Variants in VPS13B observed in about 807,000 individuals in gnomAD.
VPS13B encodes the protein vacuolar protein sorting 13 homolog B.
Under a neutral mutation model 426.4 loss-of-function variants are expected in VPS13B, and 285 were observed. That is an observed-to-expected ratio of 0.67 (90% CI 0.61 to 0.74). The LOEUF (loss-of-function observed/expected upper bound fraction) is 0.74, where lower values mean the gene tolerates loss of function less well. Ranked by LOEUF, VPS13B falls within the 30% of genes least tolerant of loss-of-function variation. The pLI is 0.00. For missense variants in VPS13B, 4,537 were observed against 4,782.6 expected (o/e 0.95, Z 1.51); for synonymous variants, 1,676 against 1,676.4 (o/e 1.00, Z 0.01).
chr8:99,056,718 G>A lies in VPS13B; in HGVS notation c.291+18152G>A, dbSNP rs377444763. Among the ~76,000 whole-genome samples, 11 of 152,254 alleles carry A rather than the reference G, an allele frequency of 7.2e-5. No homozygotes were observed. In the South Asian group the frequency reaches 2.3e-3, roughly 32 times the overall value. On this transcript the variant is annotated intron_variant, in intron 3 of 61. Transcript: ENST00000357162. ...TTCCTCCATCCAGTGGAGGTGGCAG[G>A]GGGTGAAATGGACTCTGTGAGGGTC... is the stretch of plus-strand genomic sequence containing the variant.
intron 3 of VPS13B, among the ~76,000 whole-genome samples, chr8:99,052,922 T>C (rs557353879): frequency 6.6e-6 from 1 of 152,150 alleles, no homozygotes; most frequent in African/African-American, 2.4e-5. Context: ...TCTTCTCTCT[T>C]TTCTTCTTTA....
intron 39 of VPS13B, among the ~76,000 whole-genome samples, chr8:99,739,900 T>A (rs1809605048): frequency 6.6e-6 from 1 of 152,068 alleles, no homozygotes; most frequent in African/African-American, 2.4e-5. Flanking sequence ...CTGGAAACTC[T>A]AAAAATCGGA....
chr8:99,769,279 G>A (rs983686771), intron 40 of VPS13B, among the ~76,000 whole-genome samples: 4 of 152,102 alleles, frequency 2.6e-5, no homozygotes, highest in Non-Finnish European at 5.9e-5. Context: ...AATTAGAAGA[G>A]CTGGTTTAAA....
chr8:99,385,459 G>A (rs1253513713), intron 20 of VPS13B, among the ~76,000 whole-genome samples: 1 of 152,142 alleles, frequency 6.6e-6, no homozygotes, highest in Non-Finnish European at 1.5e-5. Flanking sequence ...GTACTAAGGA[G>A]CACCTTTTAA....
chr8:99,722,508 CTTTT>C (rs796198914), intron 39 of VPS13B, among the ~76,000 whole-genome samples: 2 of 138,950 alleles, frequency 1.4e-5, no homozygotes, highest in Non-Finnish European at 3.1e-5. Flanking sequence ...TATGTAATTC[CTTTT>C]TTTTTTTTTT....
At chr8:99,065,675 A>G (rs1844452761) in intron 3 of VPS13B, among the ~76,000 whole-genome samples, 1 of 152,226 alleles carries the variant, frequency 6.6e-6, no homozygotes, top group South Asian at 2.1e-4. Context: ...CAAGAGAAAG[A>G]AAGGAAGTTG....
intron 30 of VPS13B, among the ~76,000 whole-genome samples, chr8:99,527,563 T>G (rs1213795190): frequency 6.6e-6 from 1 of 152,140 alleles, no homozygotes; most frequent in Non-Finnish European, 1.5e-5. Flanking sequence ...TATCCCTGAT[T>G]TATACCATAG....
rs748752042 is a variant in VPS13B, at chr8:99,121,203, A to G, written c.964A>G (p.Met322Val). ...TGSEDETRID[M>V]QYPAQHKGQE... ...TTCTGAAGATGAAACAAGAATAGAT[A>G]TGCAATATCCTGCTCAGCATAAAGG... Residue 322 changes from methionine (M) to valine (V), a missense_variant, in exon 8 of 62, where the codon ATG becomes GTG. By Grantham distance (21) the Met-to-Val change is conservative. Coordinates refer to ENST00000357162, the MANE Select transcript of VPS13B (RefSeq NM_152564.5). 2 of 1,613,796 alleles carry G rather than the reference A, an allele frequency of 1.2e-6. No homozygotes were observed. The highest frequency in any genetic ancestry group is 1.3e-5 in the African/African-American group (1 of 74,940).
chr8:99,832,347 T>TTTTTTTTTTTTTTTTTTTTTTTTTTTTTG, intron 51 of VPS13B, 22 bp from the exon 52 acceptor site: 1 of 1,445,454 alleles, frequency 6.9e-7, no homozygotes. Context: ...CTGCATTTTT[T>TTTTTTTTTTTTTTTTTTTTTTTTTTTTTG]TTTTTTTTTT....
intron 3 of VPS13B, among the ~76,000 whole-genome samples, chr8:99,056,397 T>G (rs1843866044): frequency 6.6e-6 from 1 of 152,178 alleles, no homozygotes; most frequent in African/African-American, 2.4e-5. Flanking sequence ...TTTGCCAGAT[T>G]CGTTTGTTAG....
At chr8:99,351,739 CAT>C (rs1451600102) in intron 19 of VPS13B, among the ~76,000 whole-genome samples, 7 of 152,022 alleles carry the variant, frequency 4.6e-5, no homozygotes, top group African/African-American at 1.7e-4. Context: ...TACATGATAT[CAT>C]GTGTACTTGT....
At chr8:99,696,774 GT>G in intron 35 of VPS13B, 1 of 1,407,854 alleles carries the variant, frequency 7.1e-7, no homozygotes, top group Non-Finnish European at 1.0e-6. Context: ...GAAATCATGC[GT>G]TTTTCCAAAT....
In VPS13B at chr8:99,699,576, C is replaced by A. The variant is rs772140840; in HGVS notation, c.6098C>A (p.Thr2033Asn). ...CCTTTGAAAGCAAACCTGAGTTTCA[C>A]CAAACTGGATCAGATAAACCTTTTT... ...SKPLKANLSF[T>N]KLDQINLFLK... Residue 2033 changes from threonine (T) to asparagine (N), a missense_variant, in exon 36 of 62, where the codon ACC (threonine) becomes AAC (asparagine). Physicochemically the swap from Thr to Asn is moderately conservative, Grantham distance 65 (BLOSUM62 0). Transcript: ENST00000357162. The A allele has an allele frequency of 6.2e-7, 1 of 1,614,010 alleles. No homozygotes were observed. The highest frequency in any genetic ancestry group is 8.5e-7 in the Non-Finnish European group (1 of 1,180,002).
intron 19 of VPS13B, among the ~76,000 whole-genome samples, chr8:99,369,086 T>TTA (rs1330772912): frequency 6.6e-6 from 1 of 152,190 alleles, no homozygotes; most frequent in Non-Finnish European, 1.5e-5. Context: ...TTGTGAGGCA[T>TTA]GTTAACCCTA....
At chr8:99,129,877 G>A (rs1809685471) in intron 8 of VPS13B, among the ~76,000 whole-genome samples, 1 of 152,062 alleles carries the variant, frequency 6.6e-6, no homozygotes, top group South Asian at 2.1e-4. Context: ...ATAGCCAGGT[G>A]TGGTAGTGTG....
chr8:99,412,032 G>C (rs1342122034), intron 21 of VPS13B, among the ~76,000 whole-genome samples: 1 of 152,114 alleles, frequency 6.6e-6, no homozygotes, highest in Non-Finnish European at 1.5e-5. Flanking sequence ...GGCTATGCGG[G>C]CTCTTTTGCA....
intron 13 of VPS13B, among the ~76,000 whole-genome samples, chr8:99,145,549 TTAAA>T (rs1385161488): frequency 7.7e-6 from 1 of 130,090 alleles, no homozygotes; most frequent in Non-Finnish European, 1.7e-5. Context: ...TTCAACAGTG[TTAAA>T]TAAGTGAAAT....
At chr8:99,128,738 GAAAA>G (rs764000741) in intron 8 of VPS13B, among the ~76,000 whole-genome samples, 3 of 145,382 alleles carry the variant, frequency 2.1e-5, no homozygotes, top group African/African-American at 7.6e-5. Context: ...TGCAGCAGTG[GAAAA>G]AAAAAAAGTT....
chr8:99,029,230 A>C, intron 2 of VPS13B, among the ~76,000 whole-genome samples: 1 of 141,648 alleles, frequency 7.1e-6, no homozygotes. Flanking sequence ...GGCGGCGGGG[A>C]AGAGGCGCTC....
Sources: gnomAD v4.1 joint callset for allele counts (sites outside exome capture counted in the v4.1 genomes callset) on GRCh38, gnomAD v4.1.1 for gene constraint, MANE v1.5 for transcripts, NCBI Gene and HGNC (gene_info 2026-07-23, HGNC 2026-07-21) for gene names.